IL1RAPL1: variants seen among roughly 807,000 people sequenced by gnomAD.
IL1RAPL1 encodes interleukin-1 receptor accessory protein-like 1.
IL1RAPL1 carries 3 observed loss-of-function variants against 48.4 expected under a neutral mutation model. The ratio of observed to expected loss-of-function variants is 0.06; its 90% CI spans 0.03 to 0.16. The LOEUF is 0.16. Ranked by LOEUF, IL1RAPL1 falls within the 10% of genes least tolerant of loss-of-function variation. The pLI is 1.00. For missense variants in IL1RAPL1, 349 were observed against 530.6 expected (o/e 0.66, Z 3.36); for synonymous variants, 185 against 187.7 (o/e 0.99, Z 0.12).
intron 6 of IL1RAPL1, among the ~76,000 whole-genome samples, chrX:29,720,152 G>T (rs1016189114): frequency 8.9e-6 from 1 of 111,855 alleles, no homozygotes; most frequent in South Asian, 3.7e-4. Flanking sequence ...TACACTGTTG[G>T]TGGGAGTGTA....
intron 2 of IL1RAPL1, among the ~76,000 whole-genome samples, chrX:29,060,787 A>G (rs1244928055): frequency 8.9e-6 from 1 of 112,168 alleles, no homozygotes; most frequent in Non-Finnish European, 1.9e-5. Flanking sequence ...TAGAAATGTT[A>G]CACAGTGCTA....
chrX:29,593,229 C>T (rs1398777630), intron 5 of IL1RAPL1, among the ~76,000 whole-genome samples: 1 of 111,366 alleles, frequency 9.0e-6, no homozygotes, highest in Non-Finnish European at 1.9e-5. Flanking sequence ...CATTCTCCAG[C>T]CCCTCGTTAG....
At chrX:29,931,160 T>C (rs1257269978) in intron 8 of IL1RAPL1, among the ~76,000 whole-genome samples, 1 of 110,141 alleles carries the variant, frequency 9.1e-6, no homozygotes. Context: ...AGATTGTTAA[T>C]GGGGAGGGGG....
intron 5 of IL1RAPL1, among the ~76,000 whole-genome samples, chrX:29,583,181 C>T (rs780184398): frequency 1.3e-4 from 12 of 90,231 alleles, no homozygotes; most frequent in Admixed American, 1.2e-3. Context: ...CCTCTCTCAC[C>T]GCTCCTATTC....
intron 2 of IL1RAPL1, among the ~76,000 whole-genome samples, chrX:29,225,771 A>G (rs140721188): frequency 0.02 from 2,240 of 111,595 alleles, 50 homozygotes; most frequent in African/African-American, 0.07. Context: ...GTAGGGCCCT[A>G]TCTTTCTTGA....
At chrX:29,440,343 G>A (rs1934534789) in intron 5 of IL1RAPL1, among the ~76,000 whole-genome samples, 1 of 111,356 alleles carries the variant, frequency 9.0e-6, no homozygotes, top group Non-Finnish European at 1.9e-5. Context: ...TGATGGCAGT[G>A]ATTGTTTAGT....
At position 29,396,308 on chromosome X, in the gene IL1RAPL1, A is replaced by G. The variant is rs1376529615; in HGVS notation, c.413A>G (p.Asn138Ser). Residue 138 changes from asparagine to serine, a missense_variant, in exon 4 of 11, where the codon AAT becomes AGT. Around this residue, in one of 3 missense-constraint regions of IL1RAPL1, gnomAD observed 238 missense variants for 337.8 expected, o/e 0.70. Coordinates refer to ENST00000378993, the MANE Select transcript of IL1RAPL1 (RefSeq NM_014271.4). ...TCCATCTCACTGACAGTGGGTGAAAATGACACTGGACTCTGCTATAATTCC... is the reference window on the plus strand; with the variant it reads ...TCCATCTCACTGACAGTGGGTGAAAGTGACACTGGACTCTGCTATAATTCC... ...KVSISLTVGENDTGLCYNSKM... is the reference protein window; with the variant it reads ...KVSISLTVGESDTGLCYNSKM... The G allele has an allele frequency of 6.6e-6, 8 of 1,205,525 alleles. No homozygotes were observed. In the African/African-American group the frequency reaches 1.4e-4, roughly 21 times the overall value.
intron 1 of IL1RAPL1, among the ~76,000 whole-genome samples, chrX:28,648,681 A>C (rs1934644944): frequency 8.9e-6 from 1 of 111,850 alleles, no homozygotes; most frequent in Non-Finnish European, 1.9e-5. Context: ...AGGATATAAC[A>C]GTCTAGGATT....
chrX:29,288,543 C>G (rs1262916836), intron 3 of IL1RAPL1, among the ~76,000 whole-genome samples: 5 of 112,019 alleles, frequency 4.5e-5, no homozygotes, highest in African/African-American at 1.6e-4. Context: ...ACCACATTTT[C>G]TTTATCCCGT....
At chrX:29,263,835 C>T in intron 2 of IL1RAPL1, among the ~76,000 whole-genome samples, 1 of 85,437 alleles carries the variant, frequency 1.2e-5, no homozygotes, top group African/African-American at 4.3e-5. Flanking sequence ...TCATCATTCT[C>T]TCTCTCTCTC....
At chrX:29,741,729 T>A (rs6653561) in intron 6 of IL1RAPL1, among the ~76,000 whole-genome samples, 80 of 108,476 alleles carry the variant, frequency 7.4e-4, no homozygotes, top group African/African-American at 2.6e-3. Flanking sequence ...TAGACCATCC[T>A]GGCCAACGTG....
chrX:28,871,211 A>C (rs987913744), intron 2 of IL1RAPL1, among the ~76,000 whole-genome samples: 1 of 112,077 alleles, frequency 8.9e-6, no homozygotes, highest in African/African-American at 3.2e-5. Context: ...TAACCGTAAA[A>C]GGAATATAAA....
chrX:28,637,461 A>T (rs185819826), intron 1 of IL1RAPL1, among the ~76,000 whole-genome samples: 1 of 111,814 alleles, frequency 8.9e-6, no homozygotes, highest in African/African-American at 3.2e-5. Context: ...TGTAAGCTTC[A>T]TGCAAGCAAA....
intron 2 of IL1RAPL1, among the ~76,000 whole-genome samples, chrX:29,063,656 A>G (rs1158157300): frequency 8.9e-6 from 1 of 111,823 alleles, no homozygotes; most frequent in East Asian, 2.8e-4. Flanking sequence ...TAGAGTGAAG[A>G]AACCTTACAC....
At chrX:28,838,256 C>T (rs932821491) in intron 2 of IL1RAPL1, among the ~76,000 whole-genome samples, 6 of 111,395 alleles carry the variant, frequency 5.4e-5, no homozygotes, top group African/African-American at 2.0e-4. Flanking sequence ...AGGGCTTGCA[C>T]ATCTGGTAAG....
intron 3 of IL1RAPL1, among the ~76,000 whole-genome samples, chrX:29,385,963 G>T (rs1933771013): frequency 8.9e-6 from 1 of 112,074 alleles, no homozygotes; most frequent in Admixed American, 9.5e-5. Flanking sequence ...AATACACAAG[G>T]GTTCTAATTT....
intron 5 of IL1RAPL1, among the ~76,000 whole-genome samples, chrX:29,550,201 C>CT (rs1490507119): frequency 5.8e-4 from 64 of 109,689 alleles, no homozygotes; most frequent in African/African-American, 2.0e-3. Context: ...CTTTTCTTTT[C>CT]TTTTTTTTGA....
chrX:29,227,182 C>T (rs1265237164), intron 2 of IL1RAPL1, among the ~76,000 whole-genome samples: 1 of 109,491 alleles, frequency 9.1e-6, no homozygotes, highest in East Asian at 2.8e-4. Flanking sequence ...AAAAAATGAG[C>T]TTTAAAAATT....
intron 1 of IL1RAPL1, among the ~76,000 whole-genome samples, chrX:28,750,517 T>C (rs946742599): frequency 8.9e-6 from 1 of 111,750 alleles, no homozygotes; most frequent in South Asian, 3.7e-4. Context: ...TATAGATCTT[T>C]ACACAGCATG....
Sources: gnomAD v4.1 joint callset for allele counts (sites outside exome capture counted in the v4.1 genomes callset) on GRCh38, gnomAD v4.1.1 for gene constraint, gnomAD v4.1.1 regional missense constraint, MANE v1.5 for transcripts, NCBI Gene and HGNC (gene_info 2026-07-23, HGNC 2026-07-21) for gene names.